Variants in STK26 observed in about 807,000 individuals in gnomAD.
The protein encoded by STK26 is serine/threonine-protein kinase 26.
In STK26, 14 loss-of-function variants were observed where a neutral mutation model predicts 34.7. The ratio of observed to expected loss-of-function variants is 0.40; its 90% CI spans 0.27 to 0.63. The LOEUF is 0.63. STK26 is among the 30% of genes least tolerant of loss of function. STK26 has a pLI of 0.38. For synonymous variants in STK26, 100 were observed against 109.8 expected (o/e 0.91, Z 0.56); for missense variants, 226 against 309.1 (o/e 0.73, Z 2.02).
intron 2 of STK26, among the ~76,000 whole-genome samples, chrX:132,032,757 A>G (rs918440799): frequency 1.8e-5 from 2 of 111,501 alleles, no homozygotes; most frequent in Admixed American, 1.9e-4. Flanking sequence ...AAAGCTTCCC[A>G]GTATCAACTT....
In STK26 at chrX:132,071,075, A is replaced by G; in HGVS notation, c.790A>G (p.Thr264Ala). 1 of 1,208,002 alleles carries G rather than the reference A, an allele frequency of 8.3e-7. No homozygotes were observed. Among genetic ancestry groups the G allele is most frequent in the Non-Finnish European group, 1.1e-6 (1 of 893,336 alleles). The change falls in exon 8 of 12, where the codon ACA (threonine) becomes GCA (alanine). Residue 264 changes from threonine (T) to alanine (A), a missense_variant. Thr to Ala is a moderately conservative substitution (Grantham distance 58). Coordinates refer to ENST00000394334, the MANE Select transcript of STK26 (RefSeq NM_016542.4). Reference sequence around the variant, plus strand: ...TTGATCTTTTTATCCTTAGCGTCCTACAGCAAAAGAACTTCTGAAACACAA... The same window carrying G: ...TTGATCTTTTTATCCTTAGCGTCCTGCAGCAAAAGAACTTCTGAAACACAA... ...CLNKDPSFRP[T>A]AKELLKHKFI...
At chrX:132,061,078 A>G (rs1309632092) in intron 3 of STK26, among the ~76,000 whole-genome samples, 2 of 112,384 alleles carry the variant, frequency 1.8e-5, no homozygotes, top group Non-Finnish European at 3.8e-5. Context: ...TCTGTTTTGA[A>G]TTAGTACAAA....
chrX:132,071,619 C>A (rs1294437338), intron 8 of STK26, among the ~76,000 whole-genome samples: 1 of 112,206 alleles, frequency 8.9e-6, no homozygotes, highest in Non-Finnish European at 1.9e-5. Context: ...TGGCCATGTA[C>A]CAAACCAAGA....
chrX:132,063,071 T>C (rs1927108560), intron 3 of STK26, among the ~76,000 whole-genome samples: 1 of 111,796 alleles, frequency 8.9e-6, no homozygotes, highest in Non-Finnish European at 1.9e-5. Flanking sequence ...GTACATTTAC[T>C]CTCTGTGTTA....
chrX:132,034,479 T>C (rs923484306), intron 2 of STK26, among the ~76,000 whole-genome samples: 4 of 107,557 alleles, frequency 3.7e-5, no homozygotes, highest in Non-Finnish European at 7.7e-5. Context: ...GCTAACTTTT[T>C]GTATTTTTAG....
intron 3 of STK26, among the ~76,000 whole-genome samples, chrX:132,060,960 T>C (rs1371071370): frequency 9.0e-6 from 1 of 111,705 alleles, no homozygotes; most frequent in African/African-American, 3.3e-5. Context: ...TTTTCAGATC[T>C]AGAAATTGAG....
At chrX:132,026,841 G>A (rs1406947818) in intron 2 of STK26, among the ~76,000 whole-genome samples, 2 of 112,276 alleles carry the variant, frequency 1.8e-5, no homozygotes, top group Non-Finnish European at 3.8e-5. Flanking sequence ...AGGTGGTACA[G>A]TTTAAATCTA....
intron 2 of STK26, among the ~76,000 whole-genome samples, chrX:132,040,128 A>G (rs1487279597): frequency 1.8e-5 from 2 of 112,518 alleles, no homozygotes; most frequent in Non-Finnish European, 3.8e-5. Context: ...GAGTTATTTA[A>G]AAAAGATGTG....
At chrX:132,034,627 A>G (rs1245840328) in intron 2 of STK26, among the ~76,000 whole-genome samples, 1 of 111,734 alleles carries the variant, frequency 8.9e-6, no homozygotes, top group African/African-American at 3.3e-5. Flanking sequence ...GTCCATAACA[A>G]GGAGGTTTGG....
intron 2 of STK26, among the ~76,000 whole-genome samples, chrX:132,025,867 T>C (rs148954378): frequency 3.6e-5 from 4 of 111,271 alleles, no homozygotes; most frequent in African/African-American, 1.3e-4. Flanking sequence ...TAGCAAAATA[T>C]TGCAGATGAG....
At chrX:132,070,328 G>T (rs778234783) in intron 7 of STK26, among the ~76,000 whole-genome samples, 10 of 111,751 alleles carry the variant, frequency 8.9e-5, no homozygotes, top group South Asian at 3.7e-4. Context: ...CACTGTGCCT[G>T]GCCAGGTTTA....
At chrX:132,055,372 T>C in intron 3 of STK26, 1 of 842,437 alleles carries the variant, frequency 1.2e-6, no homozygotes, top group African/African-American at 2.0e-5. Context: ...CTTAAGCATG[T>C]GGTAAATATT....
intron 3 of STK26, among the ~76,000 whole-genome samples, chrX:132,059,582 C>T (rs965130518): frequency 9.0e-6 from 1 of 111,658 alleles, no homozygotes; most frequent in African/African-American, 3.2e-5. Flanking sequence ...CTAAAATAAG[C>T]AAACCCTTCC....
At chrX:132,026,638 T>C (rs1287887517) in intron 2 of STK26, among the ~76,000 whole-genome samples, 1 of 112,633 alleles carries the variant, frequency 8.9e-6, no homozygotes, top group Non-Finnish European at 1.9e-5. Flanking sequence ...ACAATAGTAT[T>C]TTTGAGGACA....
chrX:132,028,031 G>GTT (rs546393727), intron 2 of STK26, among the ~76,000 whole-genome samples: 3,950 of 78,253 alleles, frequency 0.05, 244 homozygotes, highest in Admixed American at 0.17. Context: ...AATTTTTATG[G>GTT]TTTTTTTTTT....
intron 2 of STK26, among the ~76,000 whole-genome samples, chrX:132,037,769 C>CTTTTTTTTTTTTTTTTTTTTTTTTTTTT (rs755403402): frequency 1.9e-5 from 1 of 51,860 alleles, no homozygotes; most frequent in African/African-American, 8.8e-5. Context: ...CGGAGAGCTG[C>CTTTTTTTTTTTTTTTTTTTTTTTTTTTT]TTTTTTTTTT....
At position 132,036,615 on chromosome X, in the gene STK26, A is replaced by G. The variant is rs139646254; in HGVS notation, c.42+12956A>G. 4.4e-3 allele frequency among the ~76,000 whole-genome samples: 487 copies of G among 111,772 alleles called. 2 individuals carry two copies. The highest frequency in any genetic ancestry group is 0.015 in the African/African-American group (461 of 30,740). ...ATCTCAAAATAATAATAATAATTTA[A>G]GCCGTATTTAATTATCACTAGAATC... On this transcript the variant is annotated intron_variant, in intron 2 of 11. Transcript: ENST00000394334.
intron 3 of STK26, among the ~76,000 whole-genome samples, chrX:132,056,435 T>G (rs753191759): frequency 5.1e-4 from 57 of 112,055 alleles, no homozygotes; most frequent in Non-Finnish European, 1.5e-4. Context: ...TGACAAAGAT[T>G]GCAGGGATCC....
At chrX:132,064,757 G>C (rs1440940999) in intron 4 of STK26, among the ~76,000 whole-genome samples, 1 of 111,291 alleles carries the variant, frequency 9.0e-6, no homozygotes, top group Non-Finnish European at 1.9e-5. Flanking sequence ...GCGTGTTTCT[G>C]CCTTAGAAAT....
Sources: gnomAD v4.1 joint callset for allele counts (sites outside exome capture counted in the v4.1 genomes callset) on GRCh38, gnomAD v4.1.1 for gene constraint, MANE v1.5 for transcripts, NCBI Gene and HGNC (gene_info 2026-07-23, HGNC 2026-07-21) for gene names.